The following COBL variants were observed in gnomAD, a reference collection of about 807,000 sequenced individuals.
COBL encodes protein cordon-bleu.
Under a neutral mutation model 98.8 loss-of-function variants are expected in COBL, and 51 were observed. That is an observed-to-expected ratio of 0.52 (90% confidence interval 0.41 to 0.65). The LOEUF is 0.65. Among genes scored for constraint, COBL ranks in the 30% least tolerant of loss-of-function variants. The pLI is 0.00. For synonymous variants in COBL, 634 were observed against 651.7 expected (o/e 0.97, Z 0.41); for missense variants, 1,617 against 1,617.5 (o/e 1.00, Z 0.01).
intron 3 of COBL, among the ~76,000 whole-genome samples, chr7:51,193,099 C>A (rs1790272650): frequency 1.3e-5 from 2 of 152,176 alleles, no homozygotes; most frequent in South Asian, 4.1e-4. Context: ...AAAGACCATG[C>A]CCCTCTTTGA....
chr7:51,094,051 A>T (rs1795063325), intron 6 of COBL, among the ~76,000 whole-genome samples: 1 of 151,768 alleles, frequency 6.6e-6, no homozygotes, highest in African/African-American at 2.4e-5. Flanking sequence ...ACAGCCTTTA[A>T]AAAGAAGAAA....
At chr7:51,126,411 C>A (rs908287089) in intron 6 of COBL, among the ~76,000 whole-genome samples, 4 of 152,204 alleles carry the variant, frequency 2.6e-5, no homozygotes, top group Non-Finnish European at 5.9e-5. Context: ...CCACCCTCAT[C>A]CTGATCTTCA....
chr7:51,046,290 T>A (rs1789689081), intron 7 of COBL, among the ~76,000 whole-genome samples: 1 of 152,140 alleles, frequency 6.6e-6, no homozygotes, highest in South Asian at 2.1e-4. Context: ...GGGGAGCACC[T>A]GCAAAGGCTT....
chr7:51,125,092 C>T (rs1327817766), intron 6 of COBL, among the ~76,000 whole-genome samples: 7 of 152,184 alleles, frequency 4.6e-5, no homozygotes, highest in African/African-American at 9.7e-5. Context: ...GGATTACAGG[C>T]GTGAGCCACG....
intron 1 of COBL, among the ~76,000 whole-genome samples, chr7:51,223,645 C>A (rs548041463): frequency 1.3e-5 from 2 of 152,358 alleles, no homozygotes; most frequent in South Asian, 4.1e-4. Context: ...ACTGTACTCT[C>A]TGCCTCACTT....
At chr7:51,271,526 A>G (rs1017280601) in intron 1 of COBL, among the ~76,000 whole-genome samples, 2 of 152,234 alleles carry the variant, frequency 1.3e-5, no homozygotes, top group Non-Finnish European at 2.9e-5. Flanking sequence ...GTGCACAGAG[A>G]AAGCGTAGCA....
At chr7:51,035,227 G>A (rs374635798) in intron 8 of COBL, 13 of 152,294 alleles carry the variant, frequency 8.5e-5, no homozygotes, top group African/African-American at 2.9e-4. Context: ...AGCCAAAAGC[G>A]CTTTTTGATT....
rs1239893617 is a variant in COBL at position 51,172,507 on chromosome 7, AC to A, written c.783+11594del. The A allele has an allele frequency of 7.0e-6, 9 of 1,287,930 alleles. No homozygotes were observed. In the South Asian group the frequency reaches 1.1e-4, roughly 16 times the overall value. 79.8% of individuals were successfully genotyped at this position (1,287,930 alleles called of 1,614,324 possible). A position where few individuals can be genotyped will look rare whatever the true frequency, so the allele number is the denominator to read the frequency against. On this transcript the variant is annotated intron_variant, in intron 5 of 12. Coordinates refer to ENST00000265136, the MANE Select transcript of COBL (RefSeq NM_015198.5). ...TGGAGGTGTCCTCATCGCTGTCTGC[AC>A]CCGACAGCACGAGCTGCTCAGCCTG...
chr7:51,243,941 T>TA (rs1478516906), intron 1 of COBL, among the ~76,000 whole-genome samples: 1 of 152,082 alleles, frequency 6.6e-6, no homozygotes, highest in Non-Finnish European at 1.5e-5. Flanking sequence ...CTGGGGAGGG[T>TA]ACCAGGACCT....
chr7:51,241,801 T>A (rs1795818848), intron 1 of COBL, among the ~76,000 whole-genome samples: 1 of 152,256 alleles, frequency 6.6e-6, no homozygotes, highest in Non-Finnish European at 1.5e-5. Context: ...GCTCACAAGG[T>A]CCATCCTGCA....
chr7:51,262,016 C>T (rs1281784872), intron 1 of COBL, among the ~76,000 whole-genome samples: 2 of 152,190 alleles, frequency 1.3e-5, no homozygotes, highest in Non-Finnish European at 1.5e-5. Flanking sequence ...TCTGGGCAGG[C>T]AAGTCCAAAG....
At chr7:51,190,236 G>T (rs906593201) in intron 4 of COBL, among the ~76,000 whole-genome samples, 1 of 152,078 alleles carries the variant, frequency 6.6e-6, no homozygotes, top group Non-Finnish European at 1.5e-5. Flanking sequence ...AAGAGACAGG[G>T]TCTCACTCTG....
At chr7:51,106,200 C>CAAAAAA (rs61220710) in intron 6 of COBL, among the ~76,000 whole-genome samples, 1 of 102,814 alleles carries the variant, frequency 9.7e-6, no homozygotes, top group Non-Finnish European at 2.0e-5. Context: ...CGAGATGTCT[C>CAAAAAA]AAAAAAAAAA....
Position 51,087,121 on chromosome 7 carries a change from C to CAT in COBL, c.958-1818_958-1817insAT, listed in dbSNP as rs1794349526. 2.3e-5 allele frequency among the ~76,000 whole-genome samples: 3 copies of CAT among 130,600 alleles called. No individual in the cohort carries two copies. The South Asian group carries it at 6.7e-4, about 29-fold the overall frequency. 85.7% of individuals were successfully genotyped at this position (130,600 alleles called of 152,430 possible). A position where few individuals can be genotyped will look rare whatever the true frequency, so the allele number is the denominator to read the frequency against. On this transcript the variant is annotated intron_variant, in intron 6 of 12. Transcript: ENST00000265136. ...TTTAAGACACACACATACACACAAACACACACACACACACACAGAGACATA... is the reference window on the plus strand; with the variant it reads ...TTTAAGACACACACATACACACAAACATACACACACACACACACAGAGACATA...
At chr7:51,215,040 C>T (rs1792894120) in intron 2 of COBL, among the ~76,000 whole-genome samples, 1 of 152,142 alleles carries the variant, frequency 6.6e-6, no homozygotes, top group Non-Finnish European at 1.5e-5. Context: ...GTCTTCTTCA[C>T]AGTGCCTCAC....
intron 7 of COBL, among the ~76,000 whole-genome samples, chr7:51,062,314 T>C (rs1476178316): frequency 6.6e-6 from 1 of 151,486 alleles, no homozygotes; most frequent in Non-Finnish European, 1.5e-5. Flanking sequence ...CTGTGAGAGG[T>C]GGCAGGAGAT....
intron 7 of COBL, 85 bp downstream of exon 7, chr7:51,085,080 GC>G: frequency 6.3e-7 from 1 of 1,590,590 alleles, no homozygotes; most frequent in Non-Finnish European, 8.5e-7. Flanking sequence ...TATGGATGAG[GC>G]CACTGCAGGA....
At chr7:51,083,155 T>TGGGGGGGGGGGGGGGG in intron 7 of COBL, 1 of 605,278 alleles carries the variant, frequency 1.7e-6, no homozygotes, top group Non-Finnish European at 2.3e-6. Flanking sequence ...AGGGCGGGGG[T>TGGGGGGGGGGGGGGGG]GGGGGAAGCA....
intron 1 of COBL, chr7:51,259,418 C>T (rs567020010): frequency 2.2e-6 from 1 of 461,016 alleles, no homozygotes; most frequent in South Asian, 2.3e-5. Context: ...TCAGCCCTGC[C>T]TCACCTGGGT....
Sources: allele counts gnomAD v4.1 joint callset (sites outside exome capture counted in the v4.1 genomes callset), GRCh38; gene constraint gnomAD v4.1.1; transcripts MANE v1.5; gene names NCBI Gene and HGNC (gene_info 2026-07-23, HGNC 2026-07-21).